The following SMIM31 variants were observed in gnomAD, a reference collection of about 807,000 sequenced individuals.
The protein encoded by SMIM31 is human epithelial cell program regulator.
rs1579076677 is a variant in SMIM31, at chr4:164,800,573, ACAGTAGG to A, written c.113-517_113-511del. Among the ~76,000 whole-genome samples the A allele has an allele frequency of 7.9e-5, 12 of 152,248 alleles. No individual in the cohort carries two copies. The East Asian group carries it at 2.3e-3, about 29-fold the overall frequency. ...AAGAAATGGTATGTTGATATCTCACACAGTAGGTCCAGGGACCCCAGAACAGACTGAG... is the reference window on the plus strand; with the variant it reads ...AAGAAATGGTATGTTGATATCTCACATCCAGGGACCCCAGAACAGACTGAG... On this transcript the variant is annotated intron_variant, in intron 2 of 2. Coordinates refer to ENST00000507311, the MANE Select transcript of SMIM31 (RefSeq NM_001352885.1).
intron 2 of SMIM31, among the ~76,000 whole-genome samples, chr4:164,771,909 C>T (rs1044686793): frequency 6.6e-6 from 1 of 152,138 alleles, no homozygotes; most frequent in East Asian, 1.9e-4. Context: ...AATTACTTAG[C>T]TATAGTGGAA....
intron 1 of SMIM31, among the ~76,000 whole-genome samples, chr4:164,764,522 G>A (rs28483284): frequency 0.049 from 7,268 of 149,826 alleles, 530 homozygotes; most frequent in African/African-American, 0.17. Flanking sequence ...AGCCAAGATC[G>A]CGCCACTGCA....
intron 1 of SMIM31, among the ~76,000 whole-genome samples, chr4:164,755,554 G>GGGAGGGGAGA (rs1732549781): frequency 4.7e-5 from 1 of 21,438 alleles, no homozygotes; most frequent in Non-Finnish European, 1.4e-4. Flanking sequence ...GGGAGGGGAG[G>GGGAGGGGAGA]GGAGGGGAGG....
chr4:164,787,740 T>C (rs1446248640), intron 2 of SMIM31, among the ~76,000 whole-genome samples: 3 of 152,174 alleles, frequency 2.0e-5, no homozygotes, highest in Admixed American at 2.0e-4. Flanking sequence ...TATATAAACA[T>C]ATGCACACTC....
intron 1 of SMIM31, among the ~76,000 whole-genome samples, chr4:164,757,330 T>C (rs1732578243): frequency 6.6e-6 from 1 of 152,230 alleles, no homozygotes; most frequent in South Asian, 2.1e-4. Context: ...CTTCGTCAAA[T>C]ATGCATTTTG....
rs183786218 is a variant in SMIM31, at chr4:164,757,802, A to C, written c.-26+3391A>C. 3.0e-5 allele frequency among the ~76,000 whole-genome samples: 4 copies of C among 132,070 alleles called. No individual in the cohort carries two copies. In the East Asian group the frequency reaches 8.8e-4, roughly 29 times the overall value. The allele number at this position is 132,070 out of a possible 152,430, so 86.6% of individuals were successfully genotyped here. ...TTGTCACCACTTACACAAATACTAC[A>C]CTCTTTTGATTACTAAAGTTTATAG... On this transcript the variant is annotated intron_variant, in intron 1 of 2. Transcript: ENST00000507311.
At chr4:164,783,478 T>G (rs1732986688) in intron 2 of SMIM31, among the ~76,000 whole-genome samples, 1 of 148,772 alleles carries the variant, frequency 6.7e-6, no homozygotes, top group African/African-American at 2.5e-5. Flanking sequence ...GAGCCCCTGT[T>G]GAGCCGCTAC....
At chr4:164,777,920 A>C (rs1270063490) in intron 2 of SMIM31, among the ~76,000 whole-genome samples, 2 of 152,258 alleles carry the variant, frequency 1.3e-5, no homozygotes, top group Non-Finnish European at 1.5e-5. Flanking sequence ...GCTGTTGTCC[A>C]ACTGTGTCAA....
chr4:164,761,855 G>C (rs1159361165), intron 1 of SMIM31, among the ~76,000 whole-genome samples: 2 of 151,906 alleles, frequency 1.3e-5, no homozygotes, highest in Admixed American at 6.6e-5. Context: ...CCCGGGAAGG[G>C]GAGGTTGAAG....
chr4:164,778,112 A>G (rs1732900445), intron 2 of SMIM31, among the ~76,000 whole-genome samples: 4 of 152,340 alleles, frequency 2.6e-5, no homozygotes, highest in Non-Finnish European at 5.9e-5. Flanking sequence ...ACCTGGCCAC[A>G]TGCAGTGGCT....
chr4:164,794,558 G>A (rs1382273846), intron 2 of SMIM31, among the ~76,000 whole-genome samples: 2 of 152,164 alleles, frequency 1.3e-5, no homozygotes, highest in African/African-American at 4.8e-5. Flanking sequence ...TGTAATCCCA[G>A]CACTTTGGGA....
intron 2 of SMIM31, among the ~76,000 whole-genome samples, chr4:164,784,846 G>A (rs73875017): frequency 0.017 from 2,546 of 151,440 alleles, 41 homozygotes; most frequent in African/African-American, 0.044. Context: ...AAAATCAAAT[G>A]ATCTTTGCTA....
intron 1 of SMIM31, 60 bp from the exon 2 acceptor site, chr4:164,770,359 T>G (rs955958646): frequency 2.5e-6 from 1 of 398,042 alleles, no homozygotes; most frequent in Non-Finnish European, 4.4e-6. Context: ...AATAAATCAT[T>G]GCTGAGCAAG....
intron 2 of SMIM31, among the ~76,000 whole-genome samples, chr4:164,797,922 T>C (rs1452191899): frequency 6.6e-6 from 1 of 152,182 alleles, no homozygotes; most frequent in African/African-American, 2.4e-5. Flanking sequence ...TGTCTATTAC[T>C]CCACTCTGAA....
intron 2 of SMIM31, among the ~76,000 whole-genome samples, chr4:164,790,091 A>G (rs1250227758): frequency 1.3e-5 from 2 of 152,198 alleles, no homozygotes; most frequent in Admixed American, 6.6e-5. Context: ...GGAACACATG[A>G]TTCCCTAGTT....
chr4:164,782,699 A>G (rs766086457), intron 2 of SMIM31, among the ~76,000 whole-genome samples: 2 of 151,556 alleles, frequency 1.3e-5, no homozygotes, highest in African/African-American at 2.4e-5. Flanking sequence ...TACTTAATTC[A>G]GCATTGAATA....
At chr4:164,763,915 C>T (rs1192799098) in intron 1 of SMIM31, among the ~76,000 whole-genome samples, 1 of 151,952 alleles carries the variant, frequency 6.6e-6, no homozygotes, top group Non-Finnish European at 1.5e-5. Flanking sequence ...TGACATAAAG[C>T]CAAAGGAATC....
chr4:164,760,589 C>G (rs1308346361), intron 1 of SMIM31, among the ~76,000 whole-genome samples: 3 of 147,998 alleles, frequency 2.0e-5, no homozygotes, highest in Non-Finnish European at 4.5e-5. Flanking sequence ...AAAATACAAA[C>G]ATGAGCCAGG....
At chr4:164,769,469 T>C (rs1431794640) in intron 1 of SMIM31, among the ~76,000 whole-genome samples, 3 of 151,484 alleles carry the variant, frequency 2.0e-5, no homozygotes, top group Admixed American at 2.0e-4. Flanking sequence ...CTGGAAACCA[T>C]CATTCTCAGC....
Sources: gnomAD v4.1 joint callset for allele counts (sites outside exome capture counted in the v4.1 genomes callset) on GRCh38, gnomAD v4.1.1 for gene constraint, MANE v1.5 for transcripts, NCBI Gene and HGNC (gene_info 2026-07-23, HGNC 2026-07-21) for gene names.